Variants in AP5Z1 observed in about 807,000 individuals in gnomAD.
AP5Z1 encodes adaptor related protein complex 5 subunit zeta 1.
Under a neutral mutation model 83.0 loss-of-function variants are expected in AP5Z1, and 106 were observed. The ratio of observed to expected loss-of-function variants is 1.28; its 90% CI spans 1.09 to 1.50. The LOEUF (loss-of-function observed/expected upper bound fraction) is 1.50. Among genes scored for constraint, AP5Z1 ranks in the 40% most tolerant of loss-of-function variants. AP5Z1 has a pLI of 0.00. For synonymous variants in AP5Z1, 751 were observed against 514.1 expected (o/e 1.46, Z -6.23); for missense variants, 1,565 against 1,094.2 (o/e 1.43, Z -6.07).
At position 4,786,405 on chromosome 7, in the gene AP5Z1, T is replaced by G. The variant is rs769512279; in HGVS notation, c.1288T>G (p.Leu430Val). 9.3e-6 allele frequency: 15 copies of G among 1,613,704 alleles called. No individual in the cohort carries two copies. The highest frequency in any genetic ancestry group is 8.5e-6 in the Non-Finnish European group (10 of 1,179,858). ...CAGCGGGCACCTCAGCACCCTCAGATTGAGCTTCCCCAACCTCTTTAAGGT... is the reference window on the plus strand; with the variant it reads ...CAGCGGGCACCTCAGCACCCTCAGAGTGAGCTTCCCCAACCTCTTTAAGGT... Reference protein sequence around the residue: ...LFSGHLSTLRLSFPNLFKFLA... With the variant: ...LFSGHLSTLRVSFPNLFKFLA... Residue 430 changes from leucine to valine, a missense_variant, in exon 10 of 17, where the codon TTG (leucine) becomes GTG (valine). By Grantham distance (32) the Leu-to-Val change is conservative. Transcript: ENST00000649063.
rs1781827815 is a variant in AP5Z1 at position 4,792,824 on chromosome 7, C to T, written c.*1439C>T. On this transcript the variant is annotated 3_prime_UTR_variant, in exon 17 of 17. Transcript: ENST00000649063. Reference sequence around the variant, plus strand: ...CGTGCCAGTGCGCGGGTCTCGGGATCACTTCCCAGTGCGGTGCACGACCCC... The same window carrying T: ...CGTGCCAGTGCGCGGGTCTCGGGATTACTTCCCAGTGCGGTGCACGACCCC... 6.6e-6 allele frequency: 1 copy of T among 152,372 alleles called. No homozygotes were observed. Among genetic ancestry groups the T allele is most frequent in the Admixed American group, 6.5e-5 (1 of 15,294 alleles). The allele number at this position is 152,372 out of a possible 1,614,324, so 9.4% of individuals were successfully genotyped here. A position where few individuals can be genotyped will look rare whatever the true frequency, so the allele number is the denominator to read the frequency against.
At position 4,781,375 on chromosome 7, in the gene AP5Z1, G is replaced by T; in HGVS notation, c.179+63G>T. On this transcript the variant is annotated intron_variant, in intron 2 of 16. Transcript: ENST00000649063. ...GCGGCCCCAGGAGAACCCAGCCCAC[G>T]CCCAGCAGGTCACTGCAGATGCTCC... 5.0e-6 allele frequency: 8 copies of T among 1,605,996 alleles called. No homozygotes were observed. The South Asian group carries it at 8.8e-5, about 18-fold the overall frequency.
At chr7:4,779,267 CAT>C (rs940835698) in intron 1 of AP5Z1, among the ~76,000 whole-genome samples, 68 of 144,928 alleles carry the variant, frequency 4.7e-4, no homozygotes, top group South Asian at 1.7e-3. Flanking sequence ...ATGTATATAA[CAT>C]AACATAACGT....
Position 4,787,672 on chromosome 7 carries a change from T to G in AP5Z1, c.1350T>G (p.Phe450Leu), listed in dbSNP as rs1367892309. The change falls in exon 11 of 17, where the codon TTT (phenylalanine) becomes TTG (leucine). Residue 450 changes from phenylalanine (F) to leucine (L), a missense_variant. By Grantham distance (22) the Phe-to-Leu change is conservative (BLOSUM62 0). Coordinates refer to ENST00000649063, the MANE Select transcript of AP5Z1 (RefSeq NM_014855.3). ...AWNSPPLTSE[F>L]VALLPALVDA... ...ACAGCCCACCCCTCACCTCCGAGTT[T>G]GTGGCGCTCCTCCCGGCCCTGGTGG... is the stretch of plus-strand genomic sequence containing the variant. 2 of 1,553,116 alleles carry G rather than the reference T, an allele frequency of 1.3e-6. No homozygotes were observed. The highest frequency in any genetic ancestry group is 1.7e-6 in the Non-Finnish European group (2 of 1,148,828).
chr7:4,776,433 C>G (rs924807001), intron 1 of AP5Z1, among the ~76,000 whole-genome samples: 2 of 152,022 alleles, frequency 1.3e-5, no homozygotes, highest in African/African-American at 4.8e-5. Flanking sequence ...GAAGAAAATG[C>G]TGACCGGGCG....
chr7:4,778,744 A>G (rs1168156408), intron 1 of AP5Z1, among the ~76,000 whole-genome samples: 1 of 147,004 alleles, frequency 6.8e-6, no homozygotes, highest in African/African-American at 2.5e-5. Context: ...TAATTTATAT[A>G]TAACATTTTA....
chr7:4,786,471 A>C (rs1781548699), intron 10 of AP5Z1, 43 bp downstream of exon 10: 1 of 1,603,838 alleles, frequency 6.2e-7, no homozygotes, highest in African/African-American at 1.3e-5. Flanking sequence ...GGGCATGGTA[A>C]GTCCCTGGGG....
rs1290003103 is a variant in AP5Z1 at position 4,788,205 on chromosome 7, C to A, written c.1506C>A (p.Ala502=). 1 of 1,563,930 alleles carries A rather than the reference C, an allele frequency of 6.4e-7. No individual in the cohort carries two copies. The highest frequency in any genetic ancestry group is 8.7e-7 in the Non-Finnish European group (1 of 1,155,192). ...CACTCTGGGACACCTCTCTCAGGGC[C>A]CCCAGCTGCCTGGAGGCCTTCCGGG... ...ERPLWDTSLR[A]PSCLEAFRDP... is the part of the protein sequence containing the mutation. Residue 502 remains alanine, a synonymous_variant, in exon 12 of 17, where the codon GCC becomes GCA. Coordinates refer to ENST00000649063, the MANE Select transcript of AP5Z1 (RefSeq NM_014855.3).
chr7:4,784,434 G>A (rs1033440817), intron 6 of AP5Z1, 63 bp downstream of exon 6: 16 of 1,514,504 alleles, frequency 1.1e-5, no homozygotes, highest in South Asian at 6.2e-5. Flanking sequence ...TGGGTTGGTC[G>A]CAGGGGGACA....
In AP5Z1 at chr7:4,790,750, A is replaced by C; in HGVS notation, c.2016A>C (p.Glu672Asp). 3 of 1,609,670 alleles carry C rather than the reference A, an allele frequency of 1.9e-6. No individual in the cohort carries two copies. The highest frequency in any genetic ancestry group is 2.5e-6 in the Non-Finnish European group (3 of 1,178,906). The stretch of plus-strand genomic sequence containing the variant: ...TGGAGCAGATCAACAAGTTCTTCGA[A>C]GCCCTGGAGGCTCTGCTATTCGAGG... ...CTVEQINKFF[E>D]ALEALLFEVT... The change falls in exon 16 of 17, where the codon GAA (glutamate) becomes GAC (aspartate). Residue 672 changes from glutamate to aspartate, a missense_variant. Glu to Asp is a conservative substitution (Grantham distance 45). Coordinates refer to ENST00000649063, the MANE Select transcript of AP5Z1 (RefSeq NM_014855.3).
rs200982051 is a variant in AP5Z1 at position 4,788,910 on chromosome 7, G to A, written c.1666G>A (p.Val556Met). ...CCGCGTGGCCCAGTGTGCCCAGGCC[G>A]TGCCCACGCTGCTGCAGGCATTCTT... Reference protein sequence around the residue: ...CARVAQCAQAVPTLLQAFFSA... With the variant: ...CARVAQCAQAMPTLLQAFFSA... Residue 556 changes from valine to methionine, a missense_variant, in exon 13 of 17, where the codon GTG (valine) becomes ATG (methionine). Val to Met is a conservative substitution (Grantham distance 21). Transcript: ENST00000649063. 143 of 1,611,340 alleles carry A rather than the reference G, an allele frequency of 8.9e-5. 4 individuals are homozygous for A. In the South Asian group the frequency reaches 1.1e-3, roughly 13 times the overall value.
At chr7:4,790,915 T>G (rs1405370868) in intron 16 of AP5Z1, 28 bp downstream of exon 16, 1 of 1,558,570 alleles carries the variant, frequency 6.4e-7, no homozygotes, top group Non-Finnish European at 8.7e-7. Context: ...GAGCGAAGCC[T>G]TCTGGCTCCT....
intron 12 of AP5Z1, 40 bp from the exon 13 acceptor site, chr7:4,788,800 C>T (rs764587833): frequency 2.4e-5 from 36 of 1,514,172 alleles, no homozygotes; most frequent in South Asian, 7.7e-5. Flanking sequence ...GTCACCAGGT[C>T]GGGGAGCGGG....
Position 4,789,847 on chromosome 7 carries a change from C to G in AP5Z1, c.1723C>G (p.Leu575Val). Residue 575 changes from leucine (L) to valine (V), a missense_variant, in exon 14 of 17, where the codon CTG becomes GTG. Leu to Val is a conservative substitution (Grantham distance 32). Coordinates refer to ENST00000649063, the MANE Select transcript of AP5Z1 (RefSeq NM_014855.3). ...TGACCCCCAGGTGGCTGACGGGTCCCTGATCAACCAGCTGGCGCTGCTGCT... is the reference window on the plus strand; with the variant it reads ...TGACCCCCAGGTGGCTGACGGGTCCGTGATCAACCAGCTGGCGCTGCTGCT... ...SAVTQVADGS[L>V]INQLALLLLG... 6.4e-7 allele frequency: 1 copy of G among 1,552,444 alleles called. No homozygotes were observed. The highest frequency in any genetic ancestry group is 8.7e-7 in the Non-Finnish European group (1 of 1,148,086).
At chr7:4,779,106 T>C (rs944829247) in intron 1 of AP5Z1, among the ~76,000 whole-genome samples, 2 of 142,154 alleles carry the variant, frequency 1.4e-5, no homozygotes, top group African/African-American at 2.5e-5. Flanking sequence ...ATATATATTA[T>C]ATACATTTTT....
intron 3 of AP5Z1, among the ~76,000 whole-genome samples, chr7:4,782,911 G>A (rs1008857969): frequency 5.3e-5 from 8 of 152,214 alleles, no homozygotes; most frequent in African/African-American, 1.2e-4. Context: ...CTGCCCCTGT[G>A]CTGGGTGTCT....
At chr7:4,788,129 T>C (rs1168026997) in intron 11 of AP5Z1, 25 bp from the exon 12 acceptor site, 2 of 1,504,082 alleles carry the variant, frequency 1.3e-6, no homozygotes, top group South Asian at 2.5e-5. Flanking sequence ...CATCCCAGCC[T>C]GGCCTTGGGC....
At chr7:4,787,836 G>A (rs1781601034) in intron 11 of AP5Z1, 60 bp downstream of exon 11, 5 of 1,481,126 alleles carry the variant, frequency 3.4e-6, no homozygotes, top group Non-Finnish European at 4.5e-6. Flanking sequence ...CACACACTGG[G>A]CCCCCTCCTC....
At chr7:4,780,385 C>T (rs1231896609) in intron 1 of AP5Z1, among the ~76,000 whole-genome samples, 7 of 151,356 alleles carry the variant, frequency 4.6e-5, no homozygotes, top group South Asian at 2.1e-4. Context: ...TTTGGGAGGC[C>T]GAGGTGGGCA....
Sources: allele counts gnomAD v4.1 joint callset (sites outside exome capture counted in the v4.1 genomes callset), GRCh38; gene constraint gnomAD v4.1.1; transcripts MANE v1.5; gene names NCBI Gene and HGNC (gene_info 2026-07-23, HGNC 2026-07-21).